Variants in HMG20B observed in about 807,000 individuals in gnomAD.
HMG20B encodes SWI/SNF-related matrix-associated actin-dependent regulator of chromatin subfamily E member 1-related.
In HMG20B, 24 loss-of-function variants were observed where a neutral mutation model predicts 41.6. That is an observed-to-expected ratio of 0.58 (90% CI 0.42 to 0.81). The LOEUF (loss-of-function observed/expected upper bound fraction) is 0.81, where lower values mean the gene tolerates loss of function less well. Among genes scored for constraint, HMG20B ranks in the 30% least tolerant of loss-of-function variants. The probability of loss-of-function intolerance (pLI) is 0.00; values close to 1 mark genes in which losing one functional copy is unlikely to be tolerated. For missense variants in HMG20B, 461 were observed against 444.0 expected (o/e 1.04, Z -0.34); for synonymous variants, 251 against 186.6 (o/e 1.34, Z -2.81).
chr19:3,573,906 AT>A, intron 3 of HMG20B, 106 bp downstream of exon 3: 2 of 1,084,954 alleles, frequency 1.8e-6, no homozygotes, highest in Non-Finnish European at 2.7e-6. Flanking sequence ...CCCACAGCCC[AT>A]TTTCCTCTGG....
At position 3,577,016 on chromosome 19, in the gene HMG20B, G is replaced by C. The variant is rs570551140; in HGVS notation, c.717G>C (p.Ala239=). ...GCGAGCGTCTGGAGCAGGAGCTGGC[G>C]CTGGAGGAGCGGAGGACGCTGGCGC... ...SARERLEQEL[A]LEERRTLALQ... The change falls in exon 8 of 10, where the codon GCG becomes GCC. Residue 239 remains alanine, a synonymous_variant. Transcript: ENST00000333651. The C allele has an allele frequency of 7.1e-6, 11 of 1,554,992 alleles. No homozygotes were observed. In the African/African-American group the frequency reaches 8.2e-5, roughly 12 times the overall value.
chr19:3,573,055 C>T (rs1367787551), intron 1 of HMG20B, 61 bp downstream of exon 1: 3 of 450,510 alleles, frequency 6.7e-6, no homozygotes, highest in Non-Finnish European at 1.2e-5. Flanking sequence ...GGTCCCAGGG[C>T]CGGGCCGGGG....
At chr19:3,573,486 C>T in intron 2 of HMG20B, 139 bp downstream of exon 2, 1 of 995,360 alleles carries the variant, frequency 1.0e-6, no homozygotes, top group Non-Finnish European at 1.4e-6. Flanking sequence ...CCACCCAATT[C>T]TGCACCCCCC....
At chr19:3,573,973 T>G (rs934436670) in intron 3 of HMG20B, 173 bp downstream of exon 3, 1 of 720,968 alleles carries the variant, frequency 1.4e-6, no homozygotes, top group South Asian at 1.5e-5. Context: ...CCTCTGCCAC[T>G]CTAAGTCCAG....
At chr19:3,573,422 A>G in intron 2 of HMG20B, 75 bp downstream of exon 2, 1 of 1,396,634 alleles carries the variant, frequency 7.2e-7, no homozygotes, top group Non-Finnish European at 9.5e-7. Context: ...CCCCTGACCC[A>G]GTCCCTCCCG....
chr19:3,576,992 C>T lies in HMG20B; in HGVS notation c.693C>T (p.Arg231=). 2 of 1,565,026 alleles carry T rather than the reference C, an allele frequency of 1.3e-6. No homozygotes were observed. Among genetic ancestry groups the T allele is most frequent in the Non-Finnish European group, 1.7e-6 (2 of 1,156,330 alleles). ...ACACGCAGAGCATGAGCAGCGCGCG[C>T]GAGCGTCTGGAGCAGGAGCTGGCGC... ...QRHTQSMSSA[R]ERLEQELALE... The change falls in exon 8 of 10, where the codon CGC becomes CGT. Residue 231 remains arginine, a synonymous_variant. Transcript: ENST00000333651.
intron 6 of HMG20B, 48 bp downstream of exon 6, chr19:3,576,355 A>G (rs1428880099): frequency 6.3e-7 from 1 of 1,586,706 alleles, no homozygotes. Context: ...AAAGGTCTGG[A>G]GGCTTCTAGA....
chr19:3,576,226 G>A, intron 5 of HMG20B, 35 bp from the exon 6 acceptor site: 2 of 1,609,478 alleles, frequency 1.2e-6, no homozygotes, highest in East Asian at 2.2e-5. Flanking sequence ...CTGGAGGCCT[G>A]GGAGGCTGAC....
chr19:3,573,256 G>C, intron 1 of HMG20B, 36 bp from the exon 2 acceptor site: 1 of 1,497,152 alleles, frequency 6.7e-7, no homozygotes, highest in Non-Finnish European at 8.9e-7. Context: ...CGGGCAGCCC[G>C]GGCGCTACTC....
rs1333617665 is a variant in HMG20B at position 3,578,548 on chromosome 19, G to T, written c.*27G>T. On this transcript the variant is annotated 3_prime_UTR_variant, in exon 10 of 10. Coordinates refer to ENST00000333651, the MANE Select transcript of HMG20B (RefSeq NM_006339.3). The stretch of plus-strand genomic sequence containing the variant: ...GAGTGGGCGGGCCCACGATGCAGAG[G>T]AGAAGCTGTGGGCGCGGCCCTGCCA... The T allele has an allele frequency of 6.4e-7, 1 of 1,567,150 alleles. No homozygotes were observed. The highest frequency in any genetic ancestry group is 8.6e-7 in the Non-Finnish European group (1 of 1,157,274).
In HMG20B at chr19:3,578,748, A is replaced by G. The variant is rs753715911; in HGVS notation, c.*227A>G. 5.5e-5 allele frequency: 42 copies of G among 763,106 alleles called. No individual in the cohort carries two copies. The highest frequency in any genetic ancestry group is 8.9e-5 in the Non-Finnish European group (38 of 427,178). 47.3% of individuals were successfully genotyped at this position (763,106 alleles called of 1,614,324 possible). On this transcript the variant is annotated 3_prime_UTR_variant, in exon 10 of 10. Coordinates refer to ENST00000333651, the MANE Select transcript of HMG20B (RefSeq NM_006339.3). Reference sequence around the variant, plus strand: ...ACTCGCTGCGCGATACACCCAGAAGAACCTCACAGCCGAGGGTGCCCCTCC... The same window carrying G: ...ACTCGCTGCGCGATACACCCAGAAGGACCTCACAGCCGAGGGTGCCCCTCC...
At chr19:3,574,286 C>T (rs1396618109) in intron 3 of HMG20B, 97 bp from the exon 4 acceptor site, 4 of 808,102 alleles carry the variant, frequency 4.9e-6, no homozygotes, top group Non-Finnish European at 7.9e-6. Flanking sequence ...GCCCCGCCCC[C>T]ATCCCCGCCC....
At chr19:3,575,423 A>C in intron 4 of HMG20B, 117 bp from the exon 5 acceptor site, 6 of 1,468,598 alleles carry the variant, frequency 4.1e-6, no homozygotes, top group Non-Finnish European at 5.5e-6. Context: ...CCTGGAGGGA[A>C]TAGGGAGCTA....
At chr19:3,575,463 T>C (rs896916343) in intron 4 of HMG20B, 77 bp from the exon 5 acceptor site, 8 of 1,541,936 alleles carry the variant, frequency 5.2e-6, no homozygotes, top group African/African-American at 4.1e-5. Context: ...GAGGGTGCTG[T>C]GAAAGCAGAG....
chr19:3,574,386 G>C lies in HMG20B; in HGVS notation c.151G>C (p.Val51Leu). Residue 51 changes from valine to leucine, a missense_variant, in exon 4 of 10, where the codon GTG (valine) becomes CTG (leucine). Coordinates refer to ENST00000333651, the MANE Select transcript of HMG20B (RefSeq NM_006339.3). ...ACGACGCAGCCCGGTTCTGCAGCCG[G>C]TGAAGAAACGCGGCTGGCCCAAGGG... Reference protein sequence around the residue: ...GEKGSHEEEPVKKRGWPKGKK... With the variant: ...GEKGSHEEEPLKKRGWPKGKK... 1 of 1,586,102 alleles carries C rather than the reference G, an allele frequency of 6.3e-7. No individual in the cohort carries two copies. Among genetic ancestry groups the C allele is most frequent in the Non-Finnish European group, 8.6e-7 (1 of 1,166,940 alleles).
chr19:3,575,509 C>G (rs562810626), intron 4 of HMG20B, 31 bp from the exon 5 acceptor site: 2 of 1,558,684 alleles, frequency 1.3e-6, no homozygotes, highest in African/African-American at 1.4e-5. Context: ...GAGGCTTCCC[C>G]TGCTTCAAGC....
At chr19:3,574,353 C>A in intron 3 of HMG20B, 30 bp from the exon 4 acceptor site, 1 of 1,554,006 alleles carries the variant, frequency 6.4e-7, no homozygotes. Context: ...CGCCAGGCCC[C>A]CCTCCCAACG....
At position 3,574,598 on chromosome 19, in the gene HMG20B, G is replaced by C. The variant is rs756944848; in HGVS notation, c.351+12G>C. 1.5e-5 allele frequency: 23 copies of C among 1,578,828 alleles called. No homozygotes were observed. Among genetic ancestry groups the C allele is most frequent in the Admixed American group, 3.6e-5 (2 of 55,430 alleles). On this transcript the variant is annotated intron_variant, in intron 4 of 9. Transcript: ENST00000333651. The stretch of plus-strand genomic sequence containing the variant: ...CAACGGAAAAGCAGGTGGGCGGGGC[G>C]GGGCGCCGAGCAGGGCTGGCGGGGT...
chr19:3,578,321 C>A (rs2032218580), intron 9 of HMG20B, 188 bp from the exon 10 acceptor site: 2 of 1,129,010 alleles, frequency 1.8e-6, no homozygotes, highest in African/African-American at 1.6e-5. Context: ...CACTCGGGGG[C>A]ACCAGAACTT....
Sources: allele counts gnomAD v4.1 joint callset, GRCh38; gene constraint gnomAD v4.1.1; transcripts MANE v1.5; gene names NCBI Gene and HGNC (gene_info 2026-07-23, HGNC 2026-07-21).